Variants in LRRTM3 observed in about 807,000 individuals in gnomAD.
LRRTM3 encodes leucine-rich repeat transmembrane neuronal protein 3.
In LRRTM3, 24 loss-of-function variants were observed where a neutral mutation model predicts 44.7. The observed-to-expected ratio is 0.54, with a 90% confidence interval of 0.39 to 0.76. The LOEUF is 0.76. Ranked by LOEUF, LRRTM3 falls within the 30% of genes least tolerant of loss-of-function variation. The pLI, the probability that LRRTM3 is intolerant of heterozygous loss-of-function variation, is 0.00. For synonymous variants in LRRTM3, 277 were observed against 278.7 expected, an observed-to-expected ratio of 0.99 and a Z score of 0.06; for missense variants, 587 against 702.2, an observed-to-expected ratio of 0.84 and a Z score of 1.85.
intron 2 of LRRTM3, among the ~76,000 whole-genome samples, chr10:66,985,062 G>T (rs747559539): frequency 6.6e-6 from 1 of 152,098 alleles, no homozygotes; most frequent in South Asian, 2.1e-4. Flanking sequence ...CTTTGTCTCA[G>T]ATTTTTCCGT....
chr10:67,004,571 A>G (rs542640683), intron 2 of LRRTM3, among the ~76,000 whole-genome samples: 2 of 152,240 alleles, frequency 1.3e-5, no homozygotes, highest in Admixed American at 1.3e-4. Context: ...GGAAACCATC[A>G]TTATTGCCTG....
At position 66,926,958 on chromosome 10, in the gene LRRTM3, A is replaced by G. The variant is rs1449999495; in HGVS notation, c.42A>G (p.Val14=). The G allele has an allele frequency of 6.2e-7, 1 of 1,613,092 alleles. No homozygotes were observed. Among genetic ancestry groups the G allele is most frequent in the Non-Finnish European group, 8.5e-7 (1 of 1,179,534 alleles). The change falls in exon 2 of 3, where the codon GTA becomes GTG. Residue 14 remains valine, a synonymous_variant. Transcript: ENST00000361320. The part of the protein sequence containing the change: ...NVIRLLSGSA[V]ALVIAPTVLL... The stretch of plus-strand genomic sequence containing the variant: ...TTAGGCTACTGAGCGGATCAGCTGT[A>G]GCACTGGTTATAGCCCCCACTGTCT...
intron 2 of LRRTM3, among the ~76,000 whole-genome samples, chr10:67,072,020 T>G (rs1327631525): frequency 6.6e-6 from 1 of 152,236 alleles, no homozygotes; most frequent in Non-Finnish European, 1.5e-5. Context: ...GTGCACGATC[T>G]CAGCGCACTG....
chr10:67,071,433 C>T (rs1856454104), intron 2 of LRRTM3, among the ~76,000 whole-genome samples: 2 of 151,456 alleles, frequency 1.3e-5, no homozygotes, highest in African/African-American at 4.8e-5. Context: ...TCTCTCAACA[C>T]TACATTTCAT....
intron 2 of LRRTM3, among the ~76,000 whole-genome samples, chr10:66,931,217 A>G (rs948312599): frequency 3.7e-5 from 5 of 136,206 alleles, no homozygotes; most frequent in African/African-American, 5.3e-5. Context: ...AAAAAGCCTG[A>G]CCTGTTGAAC....
intron 2 of LRRTM3, among the ~76,000 whole-genome samples, chr10:66,963,614 C>T (rs1216793922): frequency 6.6e-6 from 1 of 152,074 alleles, no homozygotes; most frequent in Non-Finnish European, 1.5e-5. Context: ...CACCCTAACC[C>T]TGACAGTTCC....
At chr10:66,946,791 A>C (rs1848295421) in intron 2 of LRRTM3, among the ~76,000 whole-genome samples, 1 of 152,008 alleles carries the variant, frequency 6.6e-6, no homozygotes, top group African/African-American at 2.4e-5. Context: ...ACATAGAATT[A>C]ATCCCCCTCT....
chr10:67,030,107 T>G (rs116776750), intron 2 of LRRTM3, among the ~76,000 whole-genome samples: 1,852 of 152,362 alleles, frequency 0.012, 50 homozygotes, highest in African/African-American at 0.043. Context: ...ATCAAAATAA[T>G]CTGTTTTCAA....
At chr10:66,971,122 G>A (rs1849697328) in intron 2 of LRRTM3, among the ~76,000 whole-genome samples, 1 of 152,038 alleles carries the variant, frequency 6.6e-6, no homozygotes, top group Non-Finnish European at 1.5e-5. Flanking sequence ...GCAGCAATGA[G>A]GCAGGATAGT....
intron 2 of LRRTM3, among the ~76,000 whole-genome samples, chr10:66,959,768 A>G (rs1849016793): frequency 6.6e-6 from 1 of 152,120 alleles, no homozygotes; most frequent in Admixed American, 6.6e-5. Flanking sequence ...TCCTAGCTTT[A>G]ATTTTCTCTC....
intron 2 of LRRTM3, among the ~76,000 whole-genome samples, chr10:67,086,926 G>C (rs1357207169): frequency 6.6e-6 from 1 of 151,996 alleles, no homozygotes; most frequent in Non-Finnish European, 1.5e-5. Context: ...CCAGTGGACT[G>C]TTGTGACTAC....
chr10:67,054,130 T>C (rs188010679), intron 2 of LRRTM3, among the ~76,000 whole-genome samples: 171 of 152,232 alleles, frequency 1.1e-3, no homozygotes, highest in African/African-American at 3.9e-3. Flanking sequence ...ATTCCACATA[T>C]TCACGTAAGA....
At chr10:66,926,889 G>C in intron 1 of LRRTM3, 32 bp from the exon 2 acceptor site, 1 of 1,520,230 alleles carries the variant, frequency 6.6e-7, no homozygotes, top group East Asian at 2.3e-5. Flanking sequence ...TTTTTTGGGG[G>C]GATAACTTTT....
chr10:67,094,392 T>C (rs1857840907), intron 2 of LRRTM3, among the ~76,000 whole-genome samples: 1 of 151,866 alleles, frequency 6.6e-6, no homozygotes, highest in South Asian at 2.1e-4. Flanking sequence ...TTATTTTCAT[T>C]CTACATATTT....
Position 67,097,920 on chromosome 10 carries a change from C to G in LRRTM3, c.*124C>G. ...ACACAAAATCCCCTGTTCAAATAAA[C>G]AAAAAATCCAAGATTGATTCATGAA... On this transcript the variant is annotated 3_prime_UTR_variant, in exon 3 of 3. Coordinates refer to ENST00000361320, the MANE Select transcript of LRRTM3 (RefSeq NM_178011.5). 6.5e-6 allele frequency: 5 copies of G among 774,692 alleles called. No individual in the cohort carries two copies. The highest frequency in any genetic ancestry group is 8.3e-6 in the Non-Finnish European group (4 of 483,016). The allele number at this position is 774,692 out of a possible 1,614,324, so 48.0% of individuals were successfully genotyped here. A position where few individuals can be genotyped will look rare whatever the true frequency, so the allele number is the denominator to read the frequency against.
intron 2 of LRRTM3, among the ~76,000 whole-genome samples, chr10:66,972,356 A>T (rs1849767508): frequency 6.6e-6 from 1 of 152,102 alleles, no homozygotes; most frequent in African/African-American, 2.4e-5. Context: ...AATGAGGTCT[A>T]TGTTGCCCAG....
chr10:66,987,077 C>A (rs911783624), intron 2 of LRRTM3, among the ~76,000 whole-genome samples: 3 of 152,096 alleles, frequency 2.0e-5, no homozygotes, highest in Non-Finnish European at 4.4e-5. Flanking sequence ...GTGCAAAAGT[C>A]CCGACGTGAA....
chr10:67,013,553 G>A (rs561815070), intron 2 of LRRTM3, among the ~76,000 whole-genome samples: 4 of 152,102 alleles, frequency 2.6e-5, no homozygotes, highest in South Asian at 2.1e-4. Context: ...CCATGACCTC[G>A]GCAAACACAG....
At chr10:66,988,815 T>C (rs889473897) in intron 2 of LRRTM3, among the ~76,000 whole-genome samples, 2 of 151,966 alleles carry the variant, frequency 1.3e-5, no homozygotes, top group Admixed American at 6.6e-5. Context: ...AATCAATAGA[T>C]CATTATAAAC....
Sources: allele counts gnomAD v4.1 joint callset (sites outside exome capture counted in the v4.1 genomes callset), GRCh38; gene constraint gnomAD v4.1.1; transcripts MANE v1.5; gene names NCBI Gene and HGNC (gene_info 2026-07-23, HGNC 2026-07-21).